Variants in RNF152 observed in about 807,000 individuals in gnomAD.
RNF152 encodes ring finger protein 152.
In RNF152, 11 loss-of-function variants were observed where a neutral mutation model predicts 12.7. The observed-to-expected ratio is 0.86, with a 90% CI of 0.54 to 1.43. RNF152 has a LOEUF of 1.43. RNF152 is among the 40% of genes most tolerant of loss of function. The pLI is 0.00. For missense variants in RNF152, 255 were observed against 274.8 expected (o/e 0.93, Z 0.51); for synonymous variants, 113 against 120.3 (o/e 0.94, Z 0.40).
At chr18:61,869,073 C>T (rs1280306905) in intron 1 of RNF152, among the ~76,000 whole-genome samples, 2 of 152,168 alleles carry the variant, frequency 1.3e-5, no homozygotes, top group Non-Finnish European at 2.9e-5. Context: ...AATATTCTAA[C>T]ATCTCAGAGG....
intron 1 of RNF152, among the ~76,000 whole-genome samples, chr18:61,823,765 C>T (rs1003504086): frequency 6.6e-6 from 1 of 152,214 alleles, no homozygotes; most frequent in African/African-American, 2.4e-5. Context: ...AGGCCAAGGT[C>T]ACCCCAGGGA....
chr18:61,890,992 A>G (rs1350665606), intron 1 of RNF152, among the ~76,000 whole-genome samples: 1 of 152,144 alleles, frequency 6.6e-6, no homozygotes, highest in Non-Finnish European at 1.5e-5. Context: ...ACCTCTCTTG[A>G]GCTTCCATTG....
chr18:61,887,902 G>A (rs572224552), intron 1 of RNF152, among the ~76,000 whole-genome samples: 11 of 152,188 alleles, frequency 7.2e-5, no homozygotes, highest in African/African-American at 2.4e-4. Flanking sequence ...AGAGGAGGTT[G>A]TAGAAAGAGA....
chr18:61,844,086 G>GAAAGAAAGAAAGAA (rs1555702304), intron 1 of RNF152, among the ~76,000 whole-genome samples: 9 of 63,830 alleles, frequency 1.4e-4, no homozygotes, highest in African/African-American at 4.8e-4. Flanking sequence ...AGGAAAGAAA[G>GAAAGAAAGAAAGAA]AAAGAAAGAA....
chr18:61,840,028 G>C (rs1188369740), intron 1 of RNF152, among the ~76,000 whole-genome samples: 1 of 152,188 alleles, frequency 6.6e-6, no homozygotes, highest in Non-Finnish European at 1.5e-5. Context: ...CAAGGCCTGG[G>C]TAACAGGTGG....
intron 1 of RNF152, among the ~76,000 whole-genome samples, chr18:61,827,441 A>AAAC (rs1196837535): frequency 6.6e-6 from 1 of 152,220 alleles, no homozygotes. Flanking sequence ...ATGAAAAAAC[A>AAAC]AACAACAACA....
intron 1 of RNF152, among the ~76,000 whole-genome samples, chr18:61,842,732 T>C (rs554538385): frequency 7.9e-5 from 12 of 152,250 alleles, no homozygotes; most frequent in African/African-American, 2.6e-4. Flanking sequence ...ACAATCATGG[T>C]GGAAGGCAAG....
In RNF152 at chr18:61,808,518, T is replaced by C. The variant is rs1321187774; in HGVS notation, c.*7334A>G. 6.6e-6 allele frequency: 1 copy of C among 151,944 alleles called. No homozygotes were observed. The highest frequency in any genetic ancestry group is 1.5e-5 in the Non-Finnish European group (1 of 68,006). 9.4% of individuals were successfully genotyped at this position (151,944 alleles called of 1,614,324 possible). On this transcript the variant is annotated 3_prime_UTR_variant, in exon 2 of 2. Transcript: ENST00000312828. ...ATAGCCATTAGACTGGAGTATTTGT[T>C]ATCAAGAGGGCCAGAGAACCCACCG...
At chr18:61,836,090 G>A (rs1353288943) in intron 1 of RNF152, among the ~76,000 whole-genome samples, 1 of 152,186 alleles carries the variant, frequency 6.6e-6, no homozygotes, top group Non-Finnish European at 1.5e-5. Flanking sequence ...TAGTAACAAT[G>A]AGCACACTTA....
At chr18:61,855,659 G>A (rs540526648) in intron 1 of RNF152, among the ~76,000 whole-genome samples, 191 of 152,368 alleles carry the variant, frequency 1.3e-3, no homozygotes, top group African/African-American at 4.4e-3. Context: ...GTGCCTGGCT[G>A]TGCACAGTGG....
chr18:61,873,693 AC>A (rs1281581733), intron 1 of RNF152, among the ~76,000 whole-genome samples: 2 of 152,200 alleles, frequency 1.3e-5, no homozygotes, highest in Non-Finnish European at 2.9e-5. Context: ...GGTTACCACC[AC>A]CATTTGTTTC....
At chr18:61,854,100 C>T (rs1017404605) in intron 1 of RNF152, among the ~76,000 whole-genome samples, 1 of 152,198 alleles carries the variant, frequency 6.6e-6, no homozygotes, top group Non-Finnish European at 1.5e-5. Flanking sequence ...TGCTTATTGA[C>T]TCCCCGTGAC....
chr18:61,851,490 G>A (rs905600219), intron 1 of RNF152, among the ~76,000 whole-genome samples: 43 of 152,154 alleles, frequency 2.8e-4, no homozygotes, highest in Admixed American at 3.9e-4. Flanking sequence ...AGTTTTCTCC[G>A]TGCCTTATCT....
At chr18:61,877,810 C>T (rs1208293644) in intron 1 of RNF152, among the ~76,000 whole-genome samples, 6 of 152,300 alleles carry the variant, frequency 3.9e-5, no homozygotes, top group African/African-American at 1.2e-4. Flanking sequence ...AATACTGGCA[C>T]GGCTGCTTCA....
At chr18:61,884,412 T>G (rs901949946) in intron 1 of RNF152, among the ~76,000 whole-genome samples, 1 of 151,030 alleles carries the variant, frequency 6.6e-6, no homozygotes, top group African/African-American at 2.4e-5. Flanking sequence ...GATACATTTC[T>G]TTTATTCTCT....
At position 61,810,759 on chromosome 18, in the gene RNF152, C is replaced by T. The variant is rs936027449; in HGVS notation, c.*5093G>A. 2.6e-5 allele frequency: 4 copies of T among 152,182 alleles called. No homozygotes were observed. The highest frequency in any genetic ancestry group is 5.9e-5 in the Non-Finnish European group (4 of 68,034). The allele number at this position is 152,182 out of a possible 1,614,324, so 9.4% of individuals were successfully genotyped here. On this transcript the variant is annotated 3_prime_UTR_variant, in exon 2 of 2. Coordinates refer to ENST00000312828, the MANE Select transcript of RNF152 (RefSeq NM_173557.3). ...TTTCAAAACAGCTACTGAATTATCTCGACTATCTTATTATTCTCAATAGTT... is the reference window on the plus strand; with the variant it reads ...TTTCAAAACAGCTACTGAATTATCTTGACTATCTTATTATTCTCAATAGTT...
intron 1 of RNF152, among the ~76,000 whole-genome samples, chr18:61,870,536 G>A (rs1911944523): frequency 6.6e-6 from 1 of 152,156 alleles, no homozygotes; most frequent in Non-Finnish European, 1.5e-5. Flanking sequence ...TCCAAAGCCT[G>A]CTATGCTGTT....
In RNF152 at chr18:61,840,056, A is replaced by G. The variant is rs28398404; in HGVS notation, c.-135-23458T>C. ...ACAGGTGGGCTCACTGCCATTGGGT[A>G]TCACTGCTCCCATGCATGCCCATGG... On this transcript the variant is annotated intron_variant, in intron 1 of 1. Coordinates refer to ENST00000312828, the MANE Select transcript of RNF152 (RefSeq NM_173557.3). Among the ~76,000 whole-genome samples the G allele has an allele frequency of 8.7e-3, 1,327 of 152,330 alleles. 19 individuals are homozygous for G. Among genetic ancestry groups the G allele is most frequent in the African/African-American group, 0.03 (1,266 of 41,578 alleles).
chr18:61,883,322 C>A (rs1248155369), intron 1 of RNF152, among the ~76,000 whole-genome samples: 1 of 152,186 alleles, frequency 6.6e-6, no homozygotes, highest in African/African-American at 2.4e-5. Flanking sequence ...TAAAAGGTTT[C>A]ATTAACTTTA....
Sources: gnomAD v4.1 joint callset for allele counts (sites outside exome capture counted in the v4.1 genomes callset) on GRCh38, gnomAD v4.1.1 for gene constraint, MANE v1.5 for transcripts, NCBI Gene and HGNC (gene_info 2026-07-23, HGNC 2026-07-21) for gene names.